Variants in GPC2 observed in about 807,000 individuals in gnomAD.
The protein encoded by GPC2 is glypican 2.
In GPC2, 42 loss-of-function variants were observed where a neutral mutation model predicts 57.3. The observed-to-expected ratio is 0.73, with a 90% CI of 0.57 to 0.95. GPC2 has a LOEUF of 0.95. Ranked by LOEUF, GPC2 falls within the 40% of genes least tolerant of loss-of-function variation. The pLI is 0.00. For synonymous variants in GPC2, 364 were observed against 343.4 expected (o/e 1.06, Z -0.66); for missense variants, 745 against 793.6 (o/e 0.94, Z 0.74).
Position 100,177,027 on chromosome 7 carries a change from T to C in GPC2, c.166+7A>G. ...CCCAATTCTCTAGTCTTCCTCTTTC[T>C]CCTCACCTGAGATCAGGGCGGGAGG... On this transcript the variant is annotated splice_region_variant and intron_variant, in intron 1 of 9. Coordinates refer to ENST00000292377, the MANE Select transcript of GPC2 (RefSeq NM_152742.3). 1 of 990,858 alleles carries C rather than the reference T, an allele frequency of 1.0e-6. No homozygotes were observed. The highest frequency in any genetic ancestry group is 1.4e-6 in the Non-Finnish European group (1 of 713,138). The allele number at this position is 990,858 out of a possible 1,614,324, so 61.4% of individuals were successfully genotyped here. A position where few individuals can be genotyped will look rare whatever the true frequency, so the allele number is the denominator to read the frequency against.
chr7:100,172,818 C>T (rs1461507705), intron 5 of GPC2, among the ~76,000 whole-genome samples: 10 of 142,654 alleles, frequency 7.0e-5, no homozygotes, highest in Non-Finnish European at 1.5e-5. Context: ...TATATATATA[C>T]GTGTATATAT....
chr7:100,172,682 T>TGTGTATATATATATATGTGTGTGTGC (rs1799200160), intron 5 of GPC2, among the ~76,000 whole-genome samples: 1 of 148,460 alleles, frequency 6.7e-6, no homozygotes, highest in Non-Finnish European at 1.5e-5. Context: ...TGTGTGTGTG[T>TGTGTATATATATATATGTGTGTGTGC]GTGTATATAT....
Position 100,175,764 on chromosome 7 carries a change from A to G in GPC2, c.456T>C (p.Tyr152=). 1 of 1,614,156 alleles carries G rather than the reference A, an allele frequency of 6.2e-7. No individual in the cohort carries two copies. The highest frequency in any genetic ancestry group is 8.5e-7 in the Non-Finnish European group (1 of 1,180,022). ...CATCCAACCCCTCACCAGATTCCCC[A>G]TAGAAGTCTCGCAGCCGAGAGAACA... ...NGLFSRLRDF[Y]GESGEGLDDT... Residue 152 remains tyrosine, a synonymous_variant, in exon 3 of 10, where the codon TAT becomes TAC. Coordinates refer to ENST00000292377, the MANE Select transcript of GPC2 (RefSeq NM_152742.3).
chr7:100,170,398 A>AGGAGGCCGGGCTGGGGGAGCC lies in GPC2; in HGVS notation c.1551_1571dup (p.Ala518_Pro524dup). The AGGAGGCCGGGCTGGGGGAGCC allele has an allele frequency of 6.2e-7, 1 of 1,611,872 alleles. No individual in the cohort carries two copies. The highest frequency in any genetic ancestry group is 8.5e-7 in the Non-Finnish European group (1 of 1,178,916). On this transcript the variant is annotated inframe_insertion, in exon 10 of 10. Coordinates refer to ENST00000292377, the MANE Select transcript of GPC2 (RefSeq NM_152742.3). ...CCCTTCTAGGAGGGTATGGAGGCCGAGGAGGCCGGGCTGGGGGAGCCACAG... is the reference window on the plus strand; with the variant it reads ...CCCTTCTAGGAGGGTATGGAGGCCGAGGAGGCCGGGCTGGGGGAGCCGGAGGCCGGGCTGGGGGAGCCACAG...
Position 100,170,312 on chromosome 7 carries a change from C to A in GPC2, c.1658G>T (p.Ser553Ile), listed in dbSNP as rs759741687. 1.2e-6 allele frequency: 2 copies of A among 1,610,324 alleles called. No homozygotes were observed. Among genetic ancestry groups the A allele is most frequent in the Non-Finnish European group, 1.7e-6 (2 of 1,178,444 alleles). ...GTGAAAACCAATAGATGCCCCCCCA[C>A]TCCTGCTCCGGCCCTGGTTGTAGCG... ...SARYNQGRSR[S>I]GGASIGFHTQ... The change falls in exon 10 of 10, where the codon AGT (serine) becomes ATT (isoleucine). Residue 553 changes from serine to isoleucine, a missense_variant. Ser to Ile is a moderately radical substitution (Grantham distance 142). This residue lies in a region of GPC2 where 607 missense variants were observed against 603.9 expected (regional missense o/e 1.01). Transcript: ENST00000292377.
At position 100,176,334 on chromosome 7, in the gene GPC2, G is replaced by A; in HGVS notation, c.198C>T (p.Tyr66=). Residue 66 remains tyrosine, a synonymous_variant, in exon 2 of 10, where the codon TAC becomes TAT. Transcript: ENST00000292377. ...GEHLRVCPQE[Y]TCCSSETEQR... Reference sequence around the variant, plus strand: ...GCTCTGTCTCACTGGAACAGCAGGTGTACTCCTGGGGACAGACCCGGAGGT... The same window carrying A: ...GCTCTGTCTCACTGGAACAGCAGGTATACTCCTGGGGACAGACCCGGAGGT... 1 of 1,614,080 alleles carries A rather than the reference G, an allele frequency of 6.2e-7. No homozygotes were observed. Among genetic ancestry groups the A allele is most frequent in the Non-Finnish European group, 8.5e-7 (1 of 1,179,974 alleles).
Position 100,170,201 on chromosome 7 carries a change from C to A in GPC2, c.*29G>T, listed in dbSNP as rs963694748. The A allele has an allele frequency of 1.3e-6, 2 of 1,526,964 alleles. No individual in the cohort carries two copies. The highest frequency in any genetic ancestry group is 1.8e-6 in the Non-Finnish European group (2 of 1,133,160). 94.6% of individuals were successfully genotyped at this position (1,526,964 alleles called of 1,614,324 possible). On this transcript the variant is annotated 3_prime_UTR_variant, in exon 10 of 10. Transcript: ENST00000292377. ...GGGAGGAGGGGAAAGGGCCATGAAC[C>A]CTTCTGATGCTAGGGCACCCCTCCC...
At position 100,171,184 on chromosome 7, in the gene GPC2, G is replaced by A. The variant is rs924522623; in HGVS notation, c.1486+77C>T. The A allele has an allele frequency of 1.7e-5, 22 of 1,267,210 alleles. No individual in the cohort carries two copies. Among genetic ancestry groups the A allele is most frequent in the Admixed American group, 9.3e-5 (3 of 32,262 alleles). The allele number at this position is 1,267,210 out of a possible 1,614,324, so 78.5% of individuals were successfully genotyped here. ...CAATGAACGCTAAGAGCAGAGGCAC[G>A]GGCGGGAACTACCAGGAGAGGGGAG... On this transcript the variant is annotated intron_variant, in intron 9 of 9. Coordinates refer to ENST00000292377, the MANE Select transcript of GPC2 (RefSeq NM_152742.3). The surrounding 1 kb of genome is among the most constrained non-coding windows in gnomAD (Gnocchi z 4.8).
At chr7:100,176,979 A>AGGGGGGGGGGGGGGGGGGGGG in intron 1 of GPC2, 55 bp downstream of exon 1, 1 of 714,308 alleles carries the variant, frequency 1.4e-6, no homozygotes, top group Non-Finnish European at 2.3e-6. Context: ...TGAGATGAGG[A>AGGGGGGGGGGGGGGGGGGGGG]GGCCCCGCCC....
chr7:100,171,514 G>C lies in GPC2; in HGVS notation c.1310+25C>G. The C allele has an allele frequency of 4.4e-6, 6 of 1,354,318 alleles. No individual in the cohort carries two copies. Among genetic ancestry groups the C allele is most frequent in the Non-Finnish European group, 5.7e-6 (6 of 1,060,706 alleles). The allele number at this position is 1,354,318 out of a possible 1,614,324, so 83.9% of individuals were successfully genotyped here. A position where few individuals can be genotyped will look rare whatever the true frequency, so the allele number is the denominator to read the frequency against. On this transcript the variant is annotated intron_variant, in intron 8 of 9. Transcript: ENST00000292377. The surrounding 1 kb of genome is among the most constrained non-coding windows in gnomAD (Gnocchi z 4.8). ...CCCGGCCGCGGTCCCGCCCCCTGCT[G>C]CCCCCCGACGCCCCCGAGGCTCACC... is the stretch of plus-strand genomic sequence containing the variant.
At chr7:100,170,723 GA>G (rs958823035) in intron 9 of GPC2, among the ~76,000 whole-genome samples, 4 of 147,804 alleles carry the variant, frequency 2.7e-5, no homozygotes, top group East Asian at 2.0e-4. Context: ...GAGACAGAGA[GA>G]AAAAAAAACA....
chr7:100,172,465 A>AT lies in GPC2; in HGVS notation c.893-249dup, dbSNP rs766292878. On this transcript the variant is annotated intron_variant, in intron 5 of 9. Transcript: ENST00000292377. ...TAAATTTAAATTTTAGGATTTTAGG[A>AT]TTTTTTTTTTTTTTGAGACATAGTC... 3.5e-3 allele frequency among the ~76,000 whole-genome samples: 484 copies of AT among 140,132 alleles called. 3 individuals are homozygous for AT. The highest frequency in any genetic ancestry group is 6.6e-3 in the South Asian group (29 of 4,396). The allele number at this position is 140,132 out of a possible 152,430, so 91.9% of individuals were successfully genotyped here. A position where few individuals can be genotyped will look rare whatever the true frequency, so the allele number is the denominator to read the frequency against.
In GPC2 at chr7:100,176,306, T is replaced by A; in HGVS notation, c.226A>T (p.Arg76Trp). 4 of 1,614,084 alleles carry A rather than the reference T, an allele frequency of 2.5e-6. No homozygotes were observed. The highest frequency in any genetic ancestry group is 3.4e-6 in the Non-Finnish European group (4 of 1,179,964). ...YTCCSSETEQ[R>W]LIRETEATFR... is the part of the protein sequence containing the mutation. Reference sequence around the variant, plus strand: ...GTGGCCTCAGTCTCCCTGATCAGCCTCTGCTCTGTCTCACTGGAACAGCAG... The same window carrying A: ...GTGGCCTCAGTCTCCCTGATCAGCCACTGCTCTGTCTCACTGGAACAGCAG... Residue 76 changes from arginine to tryptophan, a missense_variant, in exon 2 of 10, where the codon AGG (arginine) becomes TGG (tryptophan). This residue lies in a region of GPC2 where 138 missense variants were observed against 189.8 expected (regional missense o/e 0.73). Coordinates refer to ENST00000292377, the MANE Select transcript of GPC2 (RefSeq NM_152742.3).
chr7:100,175,630 G>A lies in GPC2; in HGVS notation c.590C>T (p.Ser197Leu). 1 of 1,614,030 alleles carries A rather than the reference G, an allele frequency of 6.2e-7. No homozygotes were observed. The highest frequency in any genetic ancestry group is 8.5e-7 in the Non-Finnish European group (1 of 1,179,958). Residue 197 changes from serine to leucine, a missense_variant, in exon 3 of 10, where the codon TCA (serine) becomes TTA (leucine). Ser to Leu is a moderately radical substitution (Grantham distance 145, BLOSUM62 -2). Transcript: ENST00000292377. ...DYLLCLSRLASSTDGSLQPFG... is the reference protein window; with the variant it reads ...DYLLCLSRLALSTDGSLQPFG... ...GGGCTGCAGAGAGCCATCGGTAGATGAGGCCAAGCGTGAGAGGCAGAGCAG... is the reference window on the plus strand; with the variant it reads ...GGGCTGCAGAGAGCCATCGGTAGATAAGGCCAAGCGTGAGAGGCAGAGCAG...
intron 4 of GPC2, 36 bp from the exon 5 acceptor site, chr7:100,174,033 C>T (rs189385942): frequency 1.2e-4 from 178 of 1,478,390 alleles, no homozygotes; most frequent in Non-Finnish European, 1.5e-4. Flanking sequence ...CCTCCACAAA[C>T]GCTGTGGCTG....
At position 100,171,509 on chromosome 7, in the gene GPC2, C is replaced by T; in HGVS notation, c.1310+30G>A. ...CCCCTCCCGGCCGCGGTCCCGCCCC[C>T]TGCTGCCCCCCGACGCCCCCGAGGC... On this transcript the variant is annotated intron_variant, in intron 8 of 9. Coordinates refer to ENST00000292377, the MANE Select transcript of GPC2 (RefSeq NM_152742.3). The surrounding 1 kb of genome is among the most constrained non-coding windows in gnomAD (Gnocchi z 4.8). 3 of 1,354,878 alleles carry T rather than the reference C, an allele frequency of 2.2e-6. No homozygotes were observed. The highest frequency in any genetic ancestry group is 1.9e-6 in the Non-Finnish European group (2 of 1,061,354). 83.9% of individuals were successfully genotyped at this position (1,354,878 alleles called of 1,614,324 possible).
intron 4 of GPC2, chr7:100,174,227 T>G (rs1584631738): frequency 1.9e-6 from 1 of 517,558 alleles, no homozygotes; most frequent in Non-Finnish European, 3.4e-6. Context: ...GGAGGGAACA[T>G]TCAAGGACAA....
chr7:100,172,700 TGTATATATATGTATATATACAC>T (rs1485820856), intron 5 of GPC2, among the ~76,000 whole-genome samples: 1 of 147,068 alleles, frequency 6.8e-6, no homozygotes, highest in African/African-American at 2.5e-5. Context: ...TATATATACG[TGTATATATATGTATATATACAC>T]GTATATATAT....
chr7:100,170,514 G>GGGAGGGAGAAGC lies in GPC2; in HGVS notation c.1487-43_1487-32dup, dbSNP rs758991213. On this transcript the variant is annotated intron_variant, in intron 9 of 9. Coordinates refer to ENST00000292377, the MANE Select transcript of GPC2 (RefSeq NM_152742.3). ...AGGAAGAAGAGGGACAGAGCAGGAT[G>GGGAGGGAGAAGC]GGAGGGAGAAGCAGAGGGAGACAGA... The GGGAGGGAGAAGC allele has an allele frequency of 1.8e-5, 26 of 1,447,348 alleles. No homozygotes were observed. The African/African-American group carries it at 3.8e-4, about 21-fold the overall frequency. 89.7% of individuals were successfully genotyped at this position (1,447,348 alleles called of 1,614,324 possible).
Sources: gnomAD v4.1 joint callset for allele counts (sites outside exome capture counted in the v4.1 genomes callset) on GRCh38, gnomAD v4.1.1 for gene constraint, gnomAD v4.1.1 regional missense constraint, Gnocchi (gnomAD v3.1) non-coding constraint, MANE v1.5 for transcripts, NCBI Gene and HGNC (gene_info 2026-07-23, HGNC 2026-07-21) for gene names.